SLC5A10: variants seen among roughly 807,000 people sequenced by gnomAD.
The protein encoded by SLC5A10 is solute carrier family 5 member 10.
SLC5A10 carries 55 observed loss-of-function variants against 68.9 expected under a neutral mutation model. That is an observed-to-expected ratio of 0.80 (90% CI 0.64 to 1.00). SLC5A10 has a LOEUF of 1.00. Among genes scored for constraint, SLC5A10 ranks in the 50% least tolerant of loss-of-function variants. SLC5A10 has a pLI of 0.00. For missense variants in SLC5A10, 732 were observed against 819.3 expected, an observed-to-expected ratio of 0.89 and a Z score of 1.30; for synonymous variants, 344 against 344.8, an observed-to-expected ratio of 1.00 and a Z score of 0.02.
chr17:18,987,351 A>G (rs907907969), intron 9 of SLC5A10, among the ~76,000 whole-genome samples: 4 of 152,330 alleles, frequency 2.6e-5, no homozygotes, highest in African/African-American at 9.6e-5. Context: ...TGAGGATTAA[A>G]TTAACCAATG....
chr17:18,979,732 G>T, intron 9 of SLC5A10: 1 of 1,596,858 alleles, frequency 6.3e-7, no homozygotes, highest in Non-Finnish European at 8.6e-7. Context: ...CACAGGGCGA[G>T]GGGAGGACGG....
At chr17:18,956,985 T>C (rs767290891) in intron 1 of SLC5A10, among the ~76,000 whole-genome samples, 4 of 151,840 alleles carry the variant, frequency 2.6e-5, no homozygotes, top group Non-Finnish European at 1.5e-5. Flanking sequence ...CCCCTCCTAC[T>C]AAAAACACAA....
chr17:18,971,487 G>C lies in SLC5A10; in HGVS notation c.846+269G>C, dbSNP rs1343329545. On this transcript the variant is annotated intron_variant, in intron 8 of 14. Coordinates refer to ENST00000395645, the MANE Select transcript of SLC5A10 (RefSeq NM_001042450.4). This position sits in a 1 kb window ranked among gnomAD's most constrained non-coding sequence, Gnocchi z 5.5. ...AGTTTGGAGTATGGGATTCCGAAGG[G>C]ACTCGGATGCTCCTCGGTGGCCCTG... is the stretch of plus-strand genomic sequence containing the variant. 1.2e-6 allele frequency: 2 copies of C among 1,613,920 alleles called. No individual in the cohort carries two copies. The highest frequency in any genetic ancestry group is 3.3e-5 in the Admixed American group (2 of 60,008).
intron 9 of SLC5A10, among the ~76,000 whole-genome samples, chr17:19,012,232 C>T (rs934130465): frequency 6.6e-6 from 1 of 152,244 alleles, no homozygotes; most frequent in Admixed American, 6.5e-5. Context: ...ACTGCTAACA[C>T]CAGCAAATCT....
Position 19,022,126 on chromosome 17 carries a change from CA to C in SLC5A10, c.*1698del. 6.6e-7 allele frequency: 1 copy of C among 1,525,712 alleles called. No individual in the cohort carries two copies. Among genetic ancestry groups the C allele is most frequent in the Non-Finnish European group, 8.8e-7 (1 of 1,137,320 alleles). The allele number at this position is 1,525,712 out of a possible 1,614,324, so 94.5% of individuals were successfully genotyped here. A position where few individuals can be genotyped will look rare whatever the true frequency, so the allele number is the denominator to read the frequency against. ...GCTGAGAAGTCAAACTGGGCCTGGGCAAAGCAGGCCCCAGGTGACTGCAAGA... is the reference window on the plus strand; with the variant it reads ...GCTGAGAAGTCAAACTGGGCCTGGGCAAGCAGGCCCCAGGTGACTGCAAGA... On this transcript the variant is annotated 3_prime_UTR_variant, in exon 15 of 15. Coordinates refer to ENST00000395645, the MANE Select transcript of SLC5A10 (RefSeq NM_001042450.4).
At position 18,968,938 on chromosome 17, in the gene SLC5A10, T is replaced by A. The variant is rs1238749746; in HGVS notation, c.454-114T>A. The A allele has an allele frequency of 1.3e-5, 12 of 890,428 alleles. No homozygotes were observed. The Admixed American group carries it at 3.4e-4, about 25-fold the overall frequency. The allele number at this position is 890,428 out of a possible 1,614,324, so 55.2% of individuals were successfully genotyped here. A position where few individuals can be genotyped will look rare whatever the true frequency, so the allele number is the denominator to read the frequency against. On this transcript the variant is annotated intron_variant, in intron 5 of 14. Coordinates refer to ENST00000395645, the MANE Select transcript of SLC5A10 (RefSeq NM_001042450.4). The surrounding 1 kb of genome is among the most constrained non-coding windows in gnomAD (Gnocchi z 4.1). Reference sequence around the variant, plus strand: ...CAGGCAGGCGAGTGGGGGTCTCCCCTCCTTATCCACAGGCCACCGAGGCCC... The same window carrying A: ...CAGGCAGGCGAGTGGGGGTCTCCCCACCTTATCCACAGGCCACCGAGGCCC...
intron 3 of SLC5A10, 53 bp downstream of exon 3, chr17:18,959,292 T>A: frequency 6.4e-7 from 1 of 1,567,094 alleles, no homozygotes. Flanking sequence ...CAGGATGTGG[T>A]CGCAGCACTG....
rs2044197707 is a variant in SLC5A10, at chr17:19,018,948, C to T, written c.1242-475C>T. On this transcript the variant is annotated intron_variant, in intron 11 of 14. Transcript: ENST00000395645. This position sits in a 1 kb window ranked among gnomAD's most constrained non-coding sequence, Gnocchi z 4.2. Reference sequence around the variant, plus strand: ...TCGGGGGGCAGTGGTCATTCATGCACTCACCAAATGCTTAGTAAGCACCTA... The same window carrying T: ...TCGGGGGGCAGTGGTCATTCATGCATTCACCAAATGCTTAGTAAGCACCTA... 1.3e-5 allele frequency: 2 copies of T among 157,456 alleles called. No individual in the cohort carries two copies. The highest frequency in any genetic ancestry group is 4.0e-4 in the South Asian group (2 of 5,062). The allele number at this position is 157,456 out of a possible 1,614,324, so 9.8% of individuals were successfully genotyped here.
At chr17:18,997,240 T>C (rs928363751) in intron 9 of SLC5A10, among the ~76,000 whole-genome samples, 1 of 152,206 alleles carries the variant, frequency 6.6e-6, no homozygotes, top group South Asian at 2.1e-4. Context: ...ACCCTGAGTC[T>C]CCTACCTCCC....
In SLC5A10 at chr17:19,015,583, C is replaced by T. The variant is rs567557284; in HGVS notation, c.1241+384C>T. The stretch of plus-strand genomic sequence containing the variant: ...AGGACTGGCCACACTTGGGCTGCCA[C>T]GTCCCTCAGCCTCCATGGCCCTGGC... On this transcript the variant is annotated intron_variant, in intron 11 of 14. Transcript: ENST00000395645. 3.3e-5 allele frequency among the ~76,000 whole-genome samples: 5 copies of T among 152,380 alleles called. No individual in the cohort carries two copies. The South Asian group carries it at 1.0e-3, about 32-fold the overall frequency.
intron 9 of SLC5A10, among the ~76,000 whole-genome samples, chr17:18,989,097 A>G (rs1010000536): frequency 1.1e-4 from 16 of 152,332 alleles, no homozygotes; most frequent in Middle Eastern, 6.8e-3. Context: ...GAGTCAGGAC[A>G]GGGCCTGTGC....
intron 9 of SLC5A10, among the ~76,000 whole-genome samples, chr17:18,999,634 A>T (rs1358129018): frequency 1.3e-5 from 2 of 152,238 alleles, no homozygotes; most frequent in Non-Finnish European, 2.9e-5. Flanking sequence ...TAAGCACCTC[A>T]TTAAGCTGCT....
chr17:18,969,568 C>T, intron 7 of SLC5A10, 146 bp downstream of exon 7: 1 of 689,610 alleles, frequency 1.5e-6, no homozygotes, highest in Non-Finnish European at 2.4e-6. Context: ...GGTTGAGCCA[C>T]TAGGCAGTCA....
intron 5 of SLC5A10, among the ~76,000 whole-genome samples, chr17:18,962,261 G>A (rs545889257): frequency 6.6e-6 from 1 of 152,278 alleles, no homozygotes; most frequent in South Asian, 2.1e-4. Context: ...GGGCTTGCTG[G>A]GGGTGGCATT....
At chr17:18,976,693 C>A in intron 8 of SLC5A10, 161 bp from the exon 9 acceptor site, 1 of 914,928 alleles carries the variant, frequency 1.1e-6, no homozygotes, top group Non-Finnish European at 1.6e-6. Context: ...CTGGTGGGAC[C>A]CTGACAGTAT....
At chr17:18,960,971 G>A (rs2042602743) in intron 5 of SLC5A10, among the ~76,000 whole-genome samples, 1 of 152,130 alleles carries the variant, frequency 6.6e-6, no homozygotes, top group South Asian at 2.1e-4. Context: ...GGCCGGCACC[G>A]GGGTGAGCCA....
rs759572664 is a variant in SLC5A10 at position 18,996,898 on chromosome 17, T to C, written c.983-16512T>C. Among the ~76,000 whole-genome samples the C allele has an allele frequency of 6.6e-6, 1 of 152,266 alleles. No homozygotes were observed. Among genetic ancestry groups the C allele is most frequent in the Non-Finnish European group, 1.5e-5 (1 of 68,044 alleles). Reference sequence around the variant, plus strand: ...CCATCAGCACTGTCTGGAAGGTTAATGCCTGGGCCTCCCTGGCTCTGCCAT... The same window carrying C: ...CCATCAGCACTGTCTGGAAGGTTAACGCCTGGGCCTCCCTGGCTCTGCCAT... On this transcript the variant is annotated intron_variant, in intron 9 of 14. Transcript: ENST00000395645. This position sits in a 1 kb window ranked among gnomAD's most constrained non-coding sequence, Gnocchi z 4.4.
chr17:18,959,003 C>T (rs1054758188), intron 2 of SLC5A10, 132 bp from the exon 3 acceptor site: 1 of 883,668 alleles, frequency 1.1e-6, no homozygotes, highest in Non-Finnish European at 1.7e-6. Flanking sequence ...AACACACACC[C>T]TGGGCTCCTC....
chr17:18,978,193 G>T, intron 9 of SLC5A10: 1 of 1,551,938 alleles, frequency 6.4e-7, no homozygotes. Flanking sequence ...GGGGGAGGCC[G>T]TTCTCAGCTG....
Sources: allele counts gnomAD v4.1 joint callset (sites outside exome capture counted in the v4.1 genomes callset), GRCh38; gene constraint gnomAD v4.1.1; non-coding constraint Gnocchi (gnomAD v3.1); transcripts MANE v1.5; gene names NCBI Gene and HGNC (gene_info 2026-07-23, HGNC 2026-07-21).